ME1: variants seen among roughly 807,000 people sequenced by gnomAD.
The protein encoded by ME1 is NADP-dependent malic enzyme.
Under a neutral mutation model 66.4 loss-of-function variants are expected in ME1, and 74 were observed. The ratio of observed to expected loss-of-function variants is 1.11; its 90% CI spans 0.92 to 1.35. The LOEUF (loss-of-function observed/expected upper bound fraction) is 1.35. ME1 is among the 40% of genes most tolerant of loss of function. The pLI is 0.00. For synonymous variants in ME1, 251 were observed against 235.6 expected (o/e 1.07, Z -0.60); for missense variants, 750 against 694.1 (o/e 1.08, Z -0.90).
intron 3 of ME1, among the ~76,000 whole-genome samples, chr6:83,364,794 G>A (rs191045819): frequency 2.0e-5 from 3 of 151,766 alleles, no homozygotes; most frequent in Non-Finnish European, 4.4e-5. Flanking sequence ...CTTCCAACAG[G>A]GTTCATTCTG....
At chr6:83,318,108 G>A (rs1263881562) in intron 5 of ME1, among the ~76,000 whole-genome samples, 1 of 151,466 alleles carries the variant, frequency 6.6e-6, no homozygotes, top group Non-Finnish European at 1.5e-5. Flanking sequence ...TATGTAGAAA[G>A]CTGAAACTGG....
At chr6:83,397,656 T>C (rs1213101611) in intron 3 of ME1, among the ~76,000 whole-genome samples, 2 of 152,132 alleles carry the variant, frequency 1.3e-5, no homozygotes, top group Admixed American at 1.3e-4. Context: ...TCAGTATGTC[T>C]AGGAGATATC....
chr6:83,223,471 T>C (rs1220941770), intron 12 of ME1, among the ~76,000 whole-genome samples: 1 of 152,142 alleles, frequency 6.6e-6, no homozygotes, highest in Non-Finnish European at 1.5e-5. Flanking sequence ...ACAATATTTT[T>C]AATTGTCCCA....
At chr6:83,229,282 A>G (rs1396161578) in intron 9 of ME1, 1 of 364,422 alleles carries the variant, frequency 2.7e-6, no homozygotes, top group Non-Finnish European at 5.2e-6. Flanking sequence ...ATTGTGTTTT[A>G]TAGCAGGTCT....
chr6:83,418,466 G>A (rs955976315), intron 1 of ME1, among the ~76,000 whole-genome samples: 10 of 152,118 alleles, frequency 6.6e-5, no homozygotes, highest in Admixed American at 2.6e-4. Flanking sequence ...CAGCTTTTTC[G>A]TCCTTTAACT....
intron 6 of ME1, among the ~76,000 whole-genome samples, chr6:83,270,984 A>G (rs1767072159): frequency 6.6e-6 from 1 of 151,970 alleles, no homozygotes; most frequent in Non-Finnish European, 1.5e-5. Context: ...AAATTTAGTT[A>G]ATTTCAAATG....
chr6:83,259,151 T>C (rs1405841510), intron 6 of ME1, among the ~76,000 whole-genome samples: 2 of 152,186 alleles, frequency 1.3e-5, no homozygotes, highest in Admixed American at 6.5e-5. Context: ...TTATTACATA[T>C]GGAACATTCA....
intron 1 of ME1, among the ~76,000 whole-genome samples, chr6:83,425,167 TTTCTTTTTTG>T (rs1311481513): frequency 1.3e-5 from 2 of 152,034 alleles, no homozygotes; most frequent in African/African-American, 4.8e-5. Flanking sequence ...TGTATTTTTT[TTTCTTTTTTG>T]TAAAGATGGG....
chr6:83,294,314 G>T (rs995186247), intron 6 of ME1, among the ~76,000 whole-genome samples: 5 of 152,068 alleles, frequency 3.3e-5, no homozygotes, highest in African/African-American at 4.8e-5. Flanking sequence ...TTCCCTTAAG[G>T]TTACAGAGTC....
chr6:83,238,283 T>C (rs1166621681), intron 8 of ME1, among the ~76,000 whole-genome samples: 2 of 152,302 alleles, frequency 1.3e-5, no homozygotes, highest in African/African-American at 2.4e-5. Context: ...ATCTACTTAC[T>C]CTTCTAATTT....
At chr6:83,374,574 T>C (rs552439610) in intron 3 of ME1, among the ~76,000 whole-genome samples, 4 of 152,350 alleles carry the variant, frequency 2.6e-5, no homozygotes, top group East Asian at 3.9e-4. Context: ...ACAGTTTCTT[T>C]TGCTGTGCAG....
intron 6 of ME1, among the ~76,000 whole-genome samples, chr6:83,307,193 A>C (rs1271891102): frequency 6.6e-6 from 1 of 152,096 alleles, no homozygotes; most frequent in Non-Finnish European, 1.5e-5. Flanking sequence ...TTAGATTTCT[A>C]ATTCTTTCAT....
At chr6:83,228,772 A>G in intron 10 of ME1, 54 bp downstream of exon 10, 1 of 1,239,942 alleles carries the variant, frequency 8.1e-7, no homozygotes, top group Non-Finnish European at 1.1e-6. Flanking sequence ...TAGTAAAAAA[A>G]ACAATCAGGT....
At chr6:83,273,839 C>A (rs1369975014) in intron 6 of ME1, among the ~76,000 whole-genome samples, 1 of 152,210 alleles carries the variant, frequency 6.6e-6, no homozygotes, top group Non-Finnish European at 1.5e-5. Context: ...CTATACTCAC[C>A]AGTGTGCTCC....
chr6:83,303,784 C>A (rs905793249), intron 6 of ME1, among the ~76,000 whole-genome samples: 1 of 152,002 alleles, frequency 6.6e-6, no homozygotes, highest in South Asian at 2.1e-4. Context: ...AAGTAGAAAT[C>A]TTTATATCTT....
chr6:83,371,918 T>C (rs1769199277), intron 3 of ME1, among the ~76,000 whole-genome samples: 2 of 152,204 alleles, frequency 1.3e-5, no homozygotes, highest in South Asian at 2.1e-4. Context: ...GTGTTGTGCC[T>C]GAATTCCAGT....
At chr6:83,385,775 T>A (rs1334904633) in intron 3 of ME1, among the ~76,000 whole-genome samples, 1 of 151,876 alleles carries the variant, frequency 6.6e-6, no homozygotes, top group Non-Finnish European at 1.5e-5. Flanking sequence ...TCACTGAATT[T>A]CCAGTACTTA....
At position 83,237,300 on chromosome 6, in the gene ME1, GAAAAAGAAAGAAAGA is replaced by G. The variant is rs1562455335; in HGVS notation, c.1026+402_1026+416del. 3.5e-3 allele frequency among the ~76,000 whole-genome samples: 182 copies of G among 52,484 alleles called. 2 individuals are homozygous for G. The highest frequency in any genetic ancestry group is 4.7e-3 in the Admixed American group (21 of 4,498). The allele number at this position is 52,484 out of a possible 152,430, so 34.4% of individuals were successfully genotyped here. On this transcript the variant is annotated intron_variant, in intron 9 of 13. Transcript: ENST00000369705. ...GAAAGGAAGGAAGGAAGGAAAGAAA[GAAAAAGAAAGAAAGA>G]AAAGGAAGGAAAGGAAGGAAGGAAG...
chr6:83,342,593 TA>T (rs1768608145), intron 5 of ME1, among the ~76,000 whole-genome samples: 1 of 152,244 alleles, frequency 6.6e-6, no homozygotes, highest in African/African-American at 2.4e-5. Context: ...TAAATTTGTA[TA>T]TTTTTATAGG....
Sources: allele counts gnomAD v4.1 joint callset (sites outside exome capture counted in the v4.1 genomes callset), GRCh38; gene constraint gnomAD v4.1.1; transcripts MANE v1.5; gene names NCBI Gene and HGNC (gene_info 2026-07-23, HGNC 2026-07-21).